The following STAMBPL1 variants were observed in gnomAD, a reference collection of about 807,000 sequenced individuals.
STAMBPL1 encodes AMSH-like protease.
A neutral mutation model predicts 52.9 loss-of-function variants in STAMBPL1; 44 were observed. That is an observed-to-expected ratio of 0.83 (90% confidence interval 0.65 to 1.07). The LOEUF is 1.07. Ranked by LOEUF, STAMBPL1 falls within the 50% of genes least tolerant of loss-of-function variation. The probability of loss-of-function intolerance (pLI) is 0.00; values close to 1 mark genes in which losing one functional copy is unlikely to be tolerated. For synonymous variants in STAMBPL1, 164 were observed against 177.3 expected (o/e 0.92, Z 0.60); for missense variants, 511 against 520.8 (o/e 0.98, Z 0.18).
chr10:88,882,780 G>C (rs1047697308), intron 1 of STAMBPL1: 1 of 152,146 alleles, frequency 6.6e-6, no homozygotes, highest in African/African-American at 2.4e-5. Context: ...AGATATTAGA[G>C]CCAGATTTCC....
In STAMBPL1 at chr10:88,901,660, A is replaced by G. The variant is rs369091157; in HGVS notation, c.-49A>G. The stretch of plus-strand genomic sequence containing the variant: ...TGCTTCTTGTTTTTGAAACAGATGA[A>G]GTGATTGAGAAGAAACAGTGAACAT... On this transcript the variant is annotated 5_prime_UTR_variant, in exon 2 of 11. Coordinates refer to ENST00000371926, the MANE Select transcript of STAMBPL1 (RefSeq NM_020799.4). 6.9e-6 allele frequency: 11 copies of G among 1,585,408 alleles called. No homozygotes were observed. Among genetic ancestry groups the G allele is most frequent in the Admixed American group, 3.7e-5 (2 of 54,372 alleles).
intron 2 of STAMBPL1, among the ~76,000 whole-genome samples, chr10:88,903,829 G>A (rs1227145474): frequency 6.6e-6 from 1 of 152,182 alleles, no homozygotes; most frequent in Non-Finnish European, 1.5e-5. Flanking sequence ...GTAATAAAAT[G>A]TACAAGGGAC....
At chr10:88,893,478 A>G (rs1207083253) in intron 1 of STAMBPL1, among the ~76,000 whole-genome samples, 1 of 152,206 alleles carries the variant, frequency 6.6e-6, no homozygotes, top group South Asian at 2.1e-4. Flanking sequence ...ACGGTGGCTC[A>G]CACCTGTAAT....
At chr10:88,896,972 A>C (rs1844827015) in intron 1 of STAMBPL1, among the ~76,000 whole-genome samples, 2 of 152,162 alleles carry the variant, frequency 1.3e-5, no homozygotes, top group South Asian at 4.1e-4. Context: ...TCCTCTGTTC[A>C]TTCTTGCATT....
Position 88,905,534 on chromosome 10 carries a change from C to A in STAMBPL1, c.122C>A (p.Thr41Asn). 1 of 1,614,094 alleles carries A rather than the reference C, an allele frequency of 6.2e-7. No homozygotes were observed. Among genetic ancestry groups the A allele is most frequent in the Non-Finnish European group, 8.5e-7 (1 of 1,180,000 alleles). ...RALSKLGCNI[T>N]ISEDITPRRY... ...CTAAGCAAGCTTGGTTGTAATATCA[C>A]CATCAGTGAAGACATCACTCCACGA... is the stretch of plus-strand genomic sequence containing the variant. Residue 41 changes from threonine to asparagine, a missense_variant, in exon 3 of 11, where the codon ACC becomes AAC. Physicochemically the swap from Thr to Asn is moderately conservative, Grantham distance 65. Around this residue, in one of 3 missense-constraint regions of STAMBPL1, gnomAD observed 358 missense variants for 343.5 expected, o/e 1.04. Transcript: ENST00000371926.
chr10:88,922,406 T>A lies in STAMBPL1; in HGVS notation c.1224T>A (p.His408Gln). 1 of 1,613,496 alleles carries A rather than the reference T, an allele frequency of 6.2e-7. No individual in the cohort carries two copies. Among genetic ancestry groups the A allele is most frequent in the Non-Finnish European group, 8.5e-7 (1 of 1,179,652 alleles). The stretch of plus-strand genomic sequence containing the variant: ...CTGCTTGTAAAAAAAAGGGCTTTCA[T>A]CCACACACCAAGGAGCCCAGGCTGT... ...EVSACKKKGF[H>Q]PHTKEPRLFS... The change falls in exon 10 of 11, where the codon CAT becomes CAA. Residue 408 changes from histidine (H) to glutamine (Q), a missense_variant. Transcript: ENST00000371926.
intron 1 of STAMBPL1, among the ~76,000 whole-genome samples, 159 bp downstream of exon 1, chr10:88,880,797 C>G (rs1414372022): frequency 6.6e-6 from 1 of 152,214 alleles, no homozygotes; most frequent in Non-Finnish European, 1.5e-5. Context: ...ACTTTGGCGG[C>G]TGATCGCTTC....
At chr10:88,900,968 G>T (rs765222487) in intron 1 of STAMBPL1, 4 of 152,172 alleles carry the variant, frequency 2.6e-5, no homozygotes, top group Non-Finnish European at 5.9e-5. Flanking sequence ...CAGCAGGAGA[G>T]AATCTACTTC....
At chr10:88,922,224 G>T in intron 9 of STAMBPL1, 113 bp from the exon 10 acceptor site, 1 of 978,952 alleles carries the variant, frequency 1.0e-6, no homozygotes. Flanking sequence ...TTCCTAGTTT[G>T]TGATTTCTCA....
At chr10:88,905,391 C>T in intron 2 of STAMBPL1, 52 bp from the exon 3 acceptor site, 1 of 1,412,160 alleles carries the variant, frequency 7.1e-7, no homozygotes, top group Non-Finnish European at 1.0e-6. Flanking sequence ...TAGTCATATC[C>T]TTTTCTTACT....
intron 8 of STAMBPL1, among the ~76,000 whole-genome samples, chr10:88,920,162 T>C (rs1298800069): frequency 2.0e-5 from 3 of 152,216 alleles, no homozygotes; most frequent in African/African-American, 7.2e-5. Flanking sequence ...AAAAATAGTT[T>C]TAAAATCTTA....
At chr10:88,909,871 G>T (rs1457826713) in intron 4 of STAMBPL1, among the ~76,000 whole-genome samples, 2 of 152,256 alleles carry the variant, frequency 1.3e-5, no homozygotes, top group East Asian at 1.9e-4. Flanking sequence ...AAAGTGTTAG[G>T]ATTACAGGTG....
rs1225254943 is a variant in STAMBPL1 at position 88,922,397 on chromosome 10, G to A, written c.1215G>A (p.Lys405=). 4 of 1,613,206 alleles carry A rather than the reference G, an allele frequency of 2.5e-6. No homozygotes were observed. In the African/African-American group the frequency reaches 5.3e-5, roughly 22 times the overall value. Residue 405 remains lysine, a synonymous_variant, in exon 10 of 11, where the codon AAG becomes AAA. Transcript: ENST00000371926. ...TTGAGGTTTCTGCTTGTAAAAAAAA[G>A]GGCTTTCATCCACACACCAAGGAGC... ...GMLEVSACKK[K]GFHPHTKEPR...
chr10:88,910,986 A>C lies in STAMBPL1; in HGVS notation c.395A>C (p.Glu132Ala). The C allele has an allele frequency of 6.3e-7, 1 of 1,592,380 alleles. No individual in the cohort carries two copies. Among genetic ancestry groups the C allele is most frequent in the African/African-American group, 1.3e-5 (1 of 74,104 alleles). ...GACCTTTTAAAGAAATATAACGTAG[A>C]ATACCAAGAATATTTGCAAAGCAAA... Reference protein sequence around the residue: ...KNDLLKKYNVEYQEYLQSKNK... With the variant: ...KNDLLKKYNVAYQEYLQSKNK... The change falls in exon 5 of 11, where the codon GAA becomes GCA. Residue 132 changes from glutamate (E) to alanine (A), a missense_variant. This residue lies in a region of STAMBPL1 where 358 missense variants were observed against 343.5 expected (regional missense o/e 1.04). Coordinates refer to ENST00000371926, the MANE Select transcript of STAMBPL1 (RefSeq NM_020799.4).
intron 5 of STAMBPL1, 61 bp downstream of exon 5, chr10:88,911,072 C>A: frequency 9.0e-7 from 1 of 1,114,490 alleles, no homozygotes; most frequent in Non-Finnish European, 1.3e-6. Context: ...TTTTGAATTT[C>A]ATTTTTATGT....
In STAMBPL1 at chr10:88,923,163, C is replaced by T. The variant is rs1413732733; in HGVS notation, c.1255-5C>T. 6.2e-7 allele frequency: 1 copy of T among 1,600,520 alleles called. No homozygotes were observed. Among genetic ancestry groups the T allele is most frequent in the Non-Finnish European group, 8.5e-7 (1 of 1,175,562 alleles). On this transcript the variant is annotated splice_region_variant and splice_polypyrimidine_tract_variant and intron_variant, in intron 10 of 10. Transcript: ENST00000371926. ...ATATGGTAAAACCAATTTTTTCTTTCCTAGATATGCAAACATGTGTTGGTA... is the reference window on the plus strand; with the variant it reads ...ATATGGTAAAACCAATTTTTTCTTTTCTAGATATGCAAACATGTGTTGGTA...
chr10:88,908,533 A>T (rs1845134459), intron 3 of STAMBPL1, among the ~76,000 whole-genome samples, 169 bp from the exon 4 acceptor site: 1 of 152,194 alleles, frequency 6.6e-6, no homozygotes, highest in African/African-American at 2.4e-5. Flanking sequence ...TTAATACCAA[A>T]ATAATACTCA....
intron 8 of STAMBPL1, among the ~76,000 whole-genome samples, chr10:88,920,434 T>C (rs910413424): frequency 3.9e-5 from 6 of 152,184 alleles, no homozygotes; most frequent in South Asian, 4.1e-4. Flanking sequence ...TTCAGCGTCA[T>C]ATAGCTAGTG....
chr10:88,905,689 G>C, intron 3 of STAMBPL1, 29 bp downstream of exon 3: 9 of 1,540,284 alleles, frequency 5.8e-6, no homozygotes, highest in African/African-American at 1.4e-5. Context: ...TCTGAAGTGA[G>C]AAAATTGGAA....
Sources: allele counts gnomAD v4.1 joint callset (sites outside exome capture counted in the v4.1 genomes callset), GRCh38; gene constraint gnomAD v4.1.1; regional missense constraint gnomAD v4.1.1; transcripts MANE v1.5; gene names NCBI Gene and HGNC (gene_info 2026-07-23, HGNC 2026-07-21).